Variants in RAB3C observed in about 807,000 individuals in gnomAD.
RAB3C encodes RAB3C, member RAS oncogene family, also known as ras-related protein Rab-3C.
Under a neutral mutation model 26.4 loss-of-function variants are expected in RAB3C, and 17 were observed. The ratio of observed to expected loss-of-function variants is 0.64; its 90% confidence interval spans 0.44 to 0.97. RAB3C has a LOEUF of 0.97. RAB3C is among the 50% of genes least tolerant of loss of function. The pLI, the probability that RAB3C is intolerant of heterozygous loss-of-function variation, is 0.00. For missense variants in RAB3C, 242 were observed against 281.9 expected, an observed-to-expected ratio of 0.86 and a Z score of 1.01; for synonymous variants, 91 against 95.9, an observed-to-expected ratio of 0.95 and a Z score of 0.30.
intron 2 of RAB3C, among the ~76,000 whole-genome samples, chr5:58,685,526 C>T (rs1362369701): frequency 2.0e-5 from 3 of 152,162 alleles, no homozygotes; most frequent in African/African-American, 7.2e-5. Context: ...TGCAAATTTC[C>T]TTCTCCCAAA....
intron 2 of RAB3C, among the ~76,000 whole-genome samples, chr5:58,701,434 T>C (rs1318865853): frequency 6.6e-6 from 1 of 152,172 alleles, no homozygotes; most frequent in African/African-American, 2.4e-5. Context: ...TTTACTTATC[T>C]CTCCCAGGAT....
chr5:58,758,136 G>T (rs1379858020), intron 3 of RAB3C, among the ~76,000 whole-genome samples: 1 of 151,930 alleles, frequency 6.6e-6, no homozygotes, highest in Non-Finnish European at 1.5e-5. Context: ...AGTAGAGATG[G>T]GGTTTCACTG....
At chr5:58,672,356 G>A (rs1186307743) in intron 2 of RAB3C, among the ~76,000 whole-genome samples, 1 of 152,142 alleles carries the variant, frequency 6.6e-6, no homozygotes, top group East Asian at 1.9e-4. Context: ...CGGGGTCATG[G>A]ACCTCTAATG....
rs1740760174 is a variant in RAB3C, at chr5:58,721,464, C to A, written c.253-4538C>A. 1.3e-5 allele frequency among the ~76,000 whole-genome samples: 2 copies of A among 151,780 alleles called. 1 individual carries two copies. Among genetic ancestry groups the A allele is most frequent in the South Asian group, 4.1e-4 (2 of 4,822 alleles). On this transcript the variant is annotated intron_variant, in intron 2 of 4. Coordinates refer to ENST00000282878, the MANE Select transcript of RAB3C (RefSeq NM_138453.4). The stretch of plus-strand genomic sequence containing the variant: ...ACACAAAGCCAGGATTTTGAGCCAG[C>A]TTCCTGGGCAAATTGGGAAAAGATA...
intron 2 of RAB3C, among the ~76,000 whole-genome samples, chr5:58,703,251 C>T (rs983807863): frequency 2.6e-5 from 4 of 151,110 alleles, no homozygotes; most frequent in Non-Finnish European, 4.4e-5. Flanking sequence ...GGTGTGATCT[C>T]GGCTCACCGC....
rs549042539 is a variant in RAB3C at position 58,830,323 on chromosome 5, T to G, written c.496+5161T>G. Among the ~76,000 whole-genome samples, 3 of 152,228 alleles carry G rather than the reference T, an allele frequency of 2.0e-5. No homozygotes were observed. The East Asian group carries it at 5.8e-4, about 29-fold the overall frequency. ...AAGGTAGTGCAGGCGGGACATATAA[T>G]TACTTCCCAAAAGGTCTAGATAAAT... On this transcript the variant is annotated intron_variant, in intron 4 of 4. Transcript: ENST00000282878.
At chr5:58,786,261 A>G (rs1258779023) in intron 3 of RAB3C, among the ~76,000 whole-genome samples, 6 of 152,220 alleles carry the variant, frequency 3.9e-5, no homozygotes, top group Non-Finnish European at 8.8e-5. Flanking sequence ...CCTGAACCTC[A>G]GCCCTTCCTG....
intron 3 of RAB3C, among the ~76,000 whole-genome samples, chr5:58,781,968 A>G (rs1742279180): frequency 1.3e-5 from 2 of 152,066 alleles, no homozygotes. Context: ...CCGAATCTCT[A>G]CCACATTTTA....
intron 2 of RAB3C, among the ~76,000 whole-genome samples, chr5:58,635,618 G>A (rs1166039055): frequency 6.6e-6 from 1 of 152,164 alleles, no homozygotes; most frequent in Non-Finnish European, 1.5e-5. Context: ...GTGCCTGTCA[G>A]GACCAGGGTT....
At chr5:58,765,261 T>C (rs1292906762) in intron 3 of RAB3C, among the ~76,000 whole-genome samples, 2 of 152,158 alleles carry the variant, frequency 1.3e-5, no homozygotes, top group Non-Finnish European at 2.9e-5. Flanking sequence ...CTAAATCAAT[T>C]AAAAATTGAG....
At chr5:58,596,620 T>C (rs1226971016) in intron 1 of RAB3C, among the ~76,000 whole-genome samples, 1 of 113,026 alleles carries the variant, frequency 8.8e-6, no homozygotes, top group African/African-American at 3.6e-5. Context: ...ATATATAATA[T>C]ATAATACATA....
chr5:58,681,334 C>G (rs931129179), intron 2 of RAB3C, among the ~76,000 whole-genome samples: 9 of 152,172 alleles, frequency 5.9e-5, no homozygotes, highest in Non-Finnish European at 1.3e-4. Flanking sequence ...ATGTGAAGAT[C>G]TGCCTTATCC....
At chr5:58,806,150 T>C (rs1453231222) in intron 3 of RAB3C, among the ~76,000 whole-genome samples, 1 of 152,204 alleles carries the variant, frequency 6.6e-6, no homozygotes, top group Non-Finnish European at 1.5e-5. Context: ...CCTAGGTTTG[T>C]GCCCCACACT....
intron 3 of RAB3C, among the ~76,000 whole-genome samples, chr5:58,755,107 C>A (rs1741627129): frequency 6.6e-6 from 1 of 152,172 alleles, no homozygotes; most frequent in Non-Finnish European, 1.5e-5. Context: ...AGAATTGCAG[C>A]CACATGAGGC....
intron 3 of RAB3C, among the ~76,000 whole-genome samples, chr5:58,757,919 T>TTTG (rs1312937885): frequency 4.7e-5 from 5 of 105,378 alleles, no homozygotes; most frequent in African/African-American, 1.5e-4. Context: ...CTTATTTGTT[T>TTTG]TTGTTGTTGT....
chr5:58,658,617 T>C (rs1438776428), intron 2 of RAB3C, among the ~76,000 whole-genome samples: 1 of 152,192 alleles, frequency 6.6e-6, no homozygotes. Context: ...AATGACAATT[T>C]CCTTAGCCTA....
chr5:58,748,092 T>A lies in RAB3C; in HGVS notation c.371+21972T>A, dbSNP rs144882537. On this transcript the variant is annotated intron_variant, in intron 3 of 4. Coordinates refer to ENST00000282878, the MANE Select transcript of RAB3C (RefSeq NM_138453.4). ...GAGAACCTTTCTGCTATCTTTTTTA[T>A]TCCCATCCTCAATACTTGTTGTTCA... 2.6e-5 allele frequency among the ~76,000 whole-genome samples: 4 copies of A among 152,232 alleles called. No homozygotes were observed. The East Asian group carries it at 7.7e-4, about 29-fold the overall frequency.
chr5:58,834,697 C>A (rs563969553), intron 4 of RAB3C, among the ~76,000 whole-genome samples: 2 of 152,278 alleles, frequency 1.3e-5, no homozygotes, highest in East Asian at 3.9e-4. Flanking sequence ...TATCCCCAGG[C>A]TCACTTTCTT....
intron 4 of RAB3C, among the ~76,000 whole-genome samples, chr5:58,835,998 G>A (rs572775463): frequency 2.0e-5 from 3 of 152,222 alleles, no homozygotes; most frequent in Non-Finnish European, 2.9e-5. Context: ...TTATTAGGGC[G>A]GGGAACAGTA....
Sources: allele counts gnomAD v4.1 joint callset (sites outside exome capture counted in the v4.1 genomes callset), GRCh38; gene constraint gnomAD v4.1.1; transcripts MANE v1.5; gene names NCBI Gene and HGNC (gene_info 2026-07-23, HGNC 2026-07-21).